Variants in POLI observed in about 807,000 individuals in gnomAD.
POLI encodes the protein RAD30 homolog B.
In POLI, 58 loss-of-function variants were observed where a neutral mutation model predicts 51.6. The ratio of observed to expected loss-of-function variants is 1.12; its 90% CI spans 0.91 to 1.40. The LOEUF is 1.40. Among genes scored for constraint, POLI ranks in the 40% most tolerant of loss-of-function variants. The probability of loss-of-function intolerance (pLI) is 0.00; values close to 1 mark genes in which losing one functional copy is unlikely to be tolerated. For missense variants in POLI, 921 were observed against 871.3 expected (o/e 1.06, Z -0.72); for synonymous variants, 322 against 299.7 (o/e 1.07, Z -0.77).
chr18:54,294,859 C>G lies in POLI; in HGVS notation c.*392C>G. ...TGTGAAATGTGGAATATCTCAAATTCAGCCTCTTAGGCTGAATAGCAAATC... is the reference window on the plus strand; with the variant it reads ...TGTGAAATGTGGAATATCTCAAATTGAGCCTCTTAGGCTGAATAGCAAATC... On this transcript the variant is annotated 3_prime_UTR_variant, in exon 10 of 10. Transcript: ENST00000579534. The G allele has an allele frequency of 1.0e-6, 1 of 979,840 alleles. No homozygotes were observed. The highest frequency in any genetic ancestry group is 1.8e-5 in the African/African-American group (1 of 56,466). The allele number at this position is 979,840 out of a possible 1,614,324, so 60.7% of individuals were successfully genotyped here.
At chr18:54,291,079 G>A (rs141494808) in intron 8 of POLI, among the ~76,000 whole-genome samples, 1 of 152,286 alleles carries the variant, frequency 6.6e-6, no homozygotes, top group Non-Finnish European at 1.5e-5. Context: ...AGTAAGGAGT[G>A]TATGGGGAGC....
chr18:54,299,646 G>T (rs1395178200), downstream of POLI, among the ~76,000 whole-genome samples: 1 of 152,126 alleles, frequency 6.6e-6, no homozygotes, highest in African/African-American at 2.4e-5. Context: ...CTTCAGGCAG[G>T]CTAATACATG....
chr18:54,281,276 A>G (rs2087489874), intron 5 of POLI, among the ~76,000 whole-genome samples: 1 of 152,186 alleles, frequency 6.6e-6, no homozygotes, highest in South Asian at 2.1e-4. Flanking sequence ...TTGGGATTAC[A>G]TATAAAATAT....
Position 54,297,760 on chromosome 18 carries a change from A to G in POLI, c.*3293A>G. On this transcript the variant is annotated 3_prime_UTR_variant, in exon 10 of 10. Transcript: ENST00000579534. ...TTCCAAACAACACAAAGGTATTGAA[A>G]TAACATTAATTCTAATTAAATTCCA... 1.0e-6 allele frequency: 1 copy of G among 967,734 alleles called. No homozygotes were observed. Among genetic ancestry groups the G allele is most frequent in the South Asian group, 4.8e-5 (1 of 20,972 alleles). The allele number at this position is 967,734 out of a possible 1,614,324, so 59.9% of individuals were successfully genotyped here. A position where few individuals can be genotyped will look rare whatever the true frequency, so the allele number is the denominator to read the frequency against.
intron 8 of POLI, among the ~76,000 whole-genome samples, chr18:54,291,191 A>G (rs917728945): frequency 3.3e-5 from 5 of 150,674 alleles, no homozygotes; most frequent in African/African-American, 7.4e-5. Flanking sequence ...CTCATTTCCA[A>G]ATCTCCTGGT....
Position 54,294,682 on chromosome 18 carries a change from G to A in POLI, c.*215G>A. On this transcript the variant is annotated 3_prime_UTR_variant, in exon 10 of 10. Coordinates refer to ENST00000579534, the MANE Select transcript of POLI (RefSeq NM_007195.3). ...TAAAATACTATCTTTTATGTCTAAA[G>A]CCATTTTATATTACTTTTCAATAAA... 1.7e-6 allele frequency: 2 copies of A among 1,171,164 alleles called. No individual in the cohort carries two copies. Among genetic ancestry groups the A allele is most frequent in the Non-Finnish European group, 2.1e-6 (2 of 943,214 alleles). The allele number at this position is 1,171,164 out of a possible 1,614,324, so 72.5% of individuals were successfully genotyped here. A position where few individuals can be genotyped will look rare whatever the true frequency, so the allele number is the denominator to read the frequency against.
chr18:54,312,458 A>G (rs1253370103), intron 3 of POLI, among the ~76,000 whole-genome samples: 1 of 151,964 alleles, frequency 6.6e-6, no homozygotes, highest in Non-Finnish European at 1.5e-5. Context: ...GGAATCATTT[A>G]TTTTCCTTTG....
intron 7 of POLI, among the ~76,000 whole-genome samples, chr18:54,286,936 T>G (rs1409192818): frequency 6.6e-6 from 1 of 150,622 alleles, no homozygotes; most frequent in African/African-American, 2.4e-5. Flanking sequence ...AGAGTGAGAC[T>G]CCATCTCAAA....
At chr18:54,269,995 T>G (rs925209764) in intron 1 of POLI, 1 of 1,063,550 alleles carries the variant, frequency 9.4e-7, no homozygotes, top group Non-Finnish European at 1.1e-6. Flanking sequence ...CTTTTAACTT[T>G]GGAGAAGTTG....
chr18:54,270,166 G>A, intron 1 of POLI: 1 of 302,180 alleles, frequency 3.3e-6, no homozygotes, highest in Non-Finnish European at 4.9e-6. Flanking sequence ...CTCAGGGCCT[G>A]GATGTAAAGG....
chr18:54,291,701 A>G, intron 8 of POLI, 132 bp from the exon 9 acceptor site: 3 of 514,218 alleles, frequency 5.8e-6, no homozygotes, highest in Non-Finnish European at 1.0e-5. Context: ...TAATATTGAA[A>G]TGTCTTAATT....
At chr18:54,309,441 C>T (rs756612367) in intron 3 of POLI, among the ~76,000 whole-genome samples, 3 of 152,140 alleles carry the variant, frequency 2.0e-5, no homozygotes, top group African/African-American at 7.2e-5. Context: ...ATATTGCTGC[C>T]TGATCCTTCC....
At chr18:54,315,451 G>A (rs2088721970) in intron 3 of POLI, among the ~76,000 whole-genome samples, 1 of 152,022 alleles carries the variant, frequency 6.6e-6, no homozygotes, top group Admixed American at 6.6e-5. Context: ...GTTGCTGGGT[G>A]GAATATTCTA....
downstream of POLI, among the ~76,000 whole-genome samples, chr18:54,301,503 A>G (rs1327849255): frequency 2.6e-5 from 4 of 152,160 alleles, no homozygotes; most frequent in African/African-American, 9.7e-5. Flanking sequence ...TGCAAAAACA[A>G]TGTACATTCA....
chr18:54,303,536 C>G (rs755902709), intron 3 of POLI, among the ~76,000 whole-genome samples: 4 of 152,010 alleles, frequency 2.6e-5, no homozygotes, highest in Non-Finnish European at 5.9e-5. Context: ...TCCTCATGTG[C>G]TCTGTGATTT....
intron 3 of POLI, among the ~76,000 whole-genome samples, chr18:54,315,350 A>G (rs1599285616): frequency 6.6e-6 from 1 of 151,620 alleles, no homozygotes; most frequent in East Asian, 1.9e-4. Flanking sequence ...ATTTTTTTTC[A>G]ATTTCTTGAG....
rs775281944 is a variant in POLI at position 54,269,601 on chromosome 18, G to T, written c.55G>T (p.Glu19Ter). 2.0e-6 allele frequency: 3 copies of T among 1,502,666 alleles called. No individual in the cohort carries two copies. The South Asian group carries it at 3.8e-5, about 19-fold the overall frequency. 93.1% of individuals were successfully genotyped at this position (1,502,666 alleles called of 1,614,324 possible). A position where few individuals can be genotyped will look rare whatever the true frequency, so the allele number is the denominator to read the frequency against. Residue 19 changes from glutamate (E) to a stop codon, truncating the protein, a stop_gained, in exon 1 of 10, where the codon GAA (glutamate) becomes TAA (stop). Coordinates refer to ENST00000579534, the MANE Select transcript of POLI (RefSeq NM_007195.3). LOFTEE classifies it high-confidence loss of function. Reference protein sequence around the residue: ...EEEGGGDDDEEDAEAWAMELA... With the variant: ...EEEGGGDDDE ...GGAAGGCGGCGGCGACGACGACGAG[G>T]AAGACGCCGAGGCCTGGGCCATGGA...
At chr18:54,269,880 A>C in intron 1 of POLI, 1 of 1,288,348 alleles carries the variant, frequency 7.8e-7, no homozygotes, top group Non-Finnish European at 9.8e-7. Flanking sequence ...TCCACACTAC[A>C]AATACGTGTC....
rs543509008 is a variant in POLI, at chr18:54,294,034, T to C, written c.1790T>C (p.Val597Ala). 1.0e-4 allele frequency: 162 copies of C among 1,613,562 alleles called. No individual in the cohort carries two copies. Among genetic ancestry groups the C allele is most frequent in the Admixed American group, 6.5e-4 (39 of 59,968 alleles). ...HLSSSKQVSS[V>A]SPCEPGTSGF... is the part of the protein sequence containing the mutation. The stretch of plus-strand genomic sequence containing the variant: ...TCCAGTAGCAAACAGGTATCCTCTG[T>C]ATCTCCTTGTGAACCGGGAACATCA... The change falls in exon 10 of 10, where the codon GTA becomes GCA. Residue 597 changes from valine (V) to alanine (A), a missense_variant. By Grantham distance (64) the Val-to-Ala change is moderately conservative. Transcript: ENST00000579534.
Sources: gnomAD v4.1 joint callset for allele counts (sites outside exome capture counted in the v4.1 genomes callset) on GRCh38, gnomAD v4.1.1 for gene constraint, MANE v1.5 for transcripts, NCBI Gene and HGNC (gene_info 2026-07-23, HGNC 2026-07-21) for gene names.